The following ANKS1B variants were observed in gnomAD, a reference collection of about 807,000 sequenced individuals.
The protein encoded by ANKS1B is ankyrin repeat and sterile alpha motif domain containing 1B, also known as ankyrin repeat and sterile alpha motif domain-containing protein 1B.
A neutral mutation model predicts 148.3 loss-of-function variants in ANKS1B; 36 were observed. The ratio of observed to expected loss-of-function variants is 0.24; its 90% confidence interval spans 0.19 to 0.32. The LOEUF is 0.32. ANKS1B is among the 10% of genes least tolerant of loss of function. The pLI is 1.00. For missense variants in ANKS1B, 1,157 were observed against 1,542.6 expected (o/e 0.75, Z 4.19); for synonymous variants, 542 against 560.8 (o/e 0.97, Z 0.47).
chr12:99,726,482 G>T (rs970166116), intron 8 of ANKS1B, among the ~76,000 whole-genome samples: 1 of 152,136 alleles, frequency 6.6e-6, no homozygotes, highest in African/African-American at 2.4e-5. Context: ...TGAAATTGAG[G>T]CAGTAATTAA....
intron 8 of ANKS1B, among the ~76,000 whole-genome samples, chr12:99,660,879 G>T (rs1007401516): frequency 5.3e-5 from 8 of 152,010 alleles, no homozygotes; most frequent in African/African-American, 1.9e-4. Flanking sequence ...AATCTGGCAG[G>T]CCAGGTCTCA....
intron 15 of ANKS1B, among the ~76,000 whole-genome samples, chr12:99,124,394 G>A (rs2063718770): frequency 6.8e-6 from 1 of 146,706 alleles, no homozygotes; most frequent in African/African-American, 2.6e-5. Flanking sequence ...AAAAATAAAA[G>A]CATGCACAAA....
intron 1 of ANKS1B, among the ~76,000 whole-genome samples, chr12:99,938,977 C>T (rs1197418789): frequency 6.6e-6 from 1 of 152,116 alleles, no homozygotes; most frequent in Non-Finnish European, 1.5e-5. Context: ...AAAATATATG[C>T]CTCCTATTTT....
chr12:99,417,768 T>C (rs73151187), intron 11 of ANKS1B, among the ~76,000 whole-genome samples: 15,358 of 152,104 alleles, frequency 0.1, 807 homozygotes, highest in Non-Finnish European at 0.13. Flanking sequence ...AAAGAGGAGT[T>C]CACCGAGGCT....
chr12:99,247,606 T>C (rs1043822508), intron 12 of ANKS1B, among the ~76,000 whole-genome samples: 2 of 152,234 alleles, frequency 1.3e-5, no homozygotes, highest in Admixed American at 1.3e-4. Flanking sequence ...GAAGATGTAA[T>C]GCAGAAAAGA....
intron 20 of ANKS1B, among the ~76,000 whole-genome samples, chr12:98,802,593 G>C (rs1249038241): frequency 2.8e-5 from 2 of 72,356 alleles, no homozygotes; most frequent in Non-Finnish European, 5.0e-5. Context: ...TAATGCACAG[G>C]CTTTTTTTTT....
chr12:99,262,113 T>C (rs1314247480), intron 12 of ANKS1B, among the ~76,000 whole-genome samples: 1 of 152,124 alleles, frequency 6.6e-6, no homozygotes, highest in Non-Finnish European at 1.5e-5. Flanking sequence ...CAAATATCTA[T>C]TCCTAACGAA....
At chr12:99,053,627 G>A (rs780393960) in intron 16 of ANKS1B, among the ~76,000 whole-genome samples, 2 of 152,152 alleles carry the variant, frequency 1.3e-5, no homozygotes, top group Admixed American at 6.5e-5. Context: ...TAAAAATGAT[G>A]TCAGTTGAAT....
intron 12 of ANKS1B, among the ~76,000 whole-genome samples, chr12:99,358,232 GATTTT>G (rs1464247110): frequency 6.6e-6 from 1 of 151,958 alleles, no homozygotes; most frequent in Admixed American, 6.6e-5. Context: ...TTAGTTGCAT[GATTTT>G]ATTACTAGAC....
At chr12:99,552,386 G>T (rs1307304957) in intron 9 of ANKS1B, among the ~76,000 whole-genome samples, 2 of 152,170 alleles carry the variant, frequency 1.3e-5, no homozygotes, top group Non-Finnish European at 2.9e-5. Flanking sequence ...ATAGACAAAT[G>T]TTTTTATTTC....
chr12:99,785,675 C>T (rs1317012950), intron 4 of ANKS1B, among the ~76,000 whole-genome samples: 4 of 152,142 alleles, frequency 2.6e-5, no homozygotes, highest in East Asian at 1.9e-4. Context: ...TCAAATGATC[C>T]GCCCACGTCA....
chr12:99,387,889 A>T (rs1408129065), intron 12 of ANKS1B, among the ~76,000 whole-genome samples: 1 of 123,116 alleles, frequency 8.1e-6, no homozygotes, highest in Non-Finnish European at 1.8e-5. Flanking sequence ...AGTAGATTAG[A>T]TGCCAAGGCA....
intron 12 of ANKS1B, among the ~76,000 whole-genome samples, chr12:99,379,090 C>A (rs2093528640): frequency 6.6e-6 from 1 of 152,180 alleles, no homozygotes; most frequent in Admixed American, 6.5e-5. Context: ...CTTAAGGAGA[C>A]TCAACTGCAA....
intron 9 of ANKS1B, among the ~76,000 whole-genome samples, chr12:99,606,187 T>C (rs1431105816): frequency 3.9e-5 from 6 of 152,174 alleles, no homozygotes; most frequent in African/African-American, 1.4e-4. Context: ...TGAAATTATA[T>C]GCTTTTTTCC....
rs756370408 is a variant in ANKS1B, at chr12:99,424,682, GTCTA to G, written c.1575+18987_1575+18990del. Among the ~76,000 whole-genome samples the G allele has an allele frequency of 5.0e-4, 75 of 151,098 alleles. 1 individual carries two copies. The highest frequency in any genetic ancestry group is 7.3e-4 in the Non-Finnish European group (49 of 67,552). ...ACACCCATAAGGAAAATTTTAACTT[GTCTA>G]TCTATCTATCTGTCATCTATCTGTC... On this transcript the variant is annotated intron_variant, in intron 11 of 26. Coordinates refer to ENST00000683438, the MANE Select transcript of ANKS1B (RefSeq NM_001352186.2).
chr12:99,165,325 A>G (rs188154483), intron 14 of ANKS1B, among the ~76,000 whole-genome samples: 19 of 152,100 alleles, frequency 1.2e-4, no homozygotes, highest in Admixed American at 1.2e-3. Context: ...AGAAAAATCA[A>G]TGAAACCAAA....
chr12:99,749,694 A>G (rs2060927722), intron 8 of ANKS1B, among the ~76,000 whole-genome samples: 1 of 152,044 alleles, frequency 6.6e-6, no homozygotes. Context: ...TCTGAACACA[A>G]GGCCATTTCA....
At chr12:99,483,116 A>G (rs111457864) in intron 10 of ANKS1B, among the ~76,000 whole-genome samples, 12 of 151,506 alleles carry the variant, frequency 7.9e-5, no homozygotes, top group African/African-American at 2.2e-4. Context: ...TTCCCATTCC[A>G]TATGATGTTG....
At chr12:98,766,982 A>AT (rs11295642) in intron 25 of ANKS1B, among the ~76,000 whole-genome samples, 1,623 of 134,988 alleles carry the variant, frequency 0.012, 11 homozygotes, top group Non-Finnish European at 0.02. Flanking sequence ...TTATTTATTA[A>AT]TTTTTTTTTT....
Sources: allele counts gnomAD v4.1 joint callset (sites outside exome capture counted in the v4.1 genomes callset), GRCh38; gene constraint gnomAD v4.1.1; transcripts MANE v1.5; gene names NCBI Gene and HGNC (gene_info 2026-07-23, HGNC 2026-07-21).